The following CDK12 variants were observed in gnomAD, a reference collection of about 807,000 sequenced individuals.
CDK12 encodes cyclin dependent kinase 12.
In CDK12, 17 loss-of-function variants were observed where a neutral mutation model predicts 133.8. The ratio of observed to expected loss-of-function variants is 0.13; its 90% CI spans 0.09 to 0.19. The LOEUF is 0.19. Among genes scored for constraint, CDK12 ranks in the 10% least tolerant of loss-of-function variants. CDK12 has a pLI of 1.00. For missense variants in CDK12, 1,508 were observed against 1,818.7 expected (o/e 0.83, Z 3.11); for synonymous variants, 694 against 683.6 (o/e 1.02, Z -0.24).
upstream of CDK12, among the ~76,000 whole-genome samples, chr17:39,544,569 C>T (rs1177002534): frequency 1.3e-5 from 2 of 151,614 alleles, no homozygotes; most frequent in African/African-American, 4.8e-5. Context: ...CCTGCGCCTC[C>T]GGGGTTCAAG....
chr17:39,496,145 C>G (rs2052093723), intron 5 of CDK12, among the ~76,000 whole-genome samples: 1 of 152,076 alleles, frequency 6.6e-6, no homozygotes, highest in East Asian at 1.9e-4. Context: ...CTCCTGACCT[C>G]AGGCAGTCAT....
chr17:39,480,698 C>T (rs1369025405), intron 2 of CDK12, among the ~76,000 whole-genome samples: 1 of 152,026 alleles, frequency 6.6e-6, no homozygotes, highest in Non-Finnish European at 1.5e-5. Flanking sequence ...GCTGGGATTA[C>T]AGGTGTGAGC....
intron 1 of CDK12, among the ~76,000 whole-genome samples, chr17:39,539,802 AAAG>A (rs1217082402): frequency 6.6e-6 from 1 of 152,162 alleles, no homozygotes; most frequent in Non-Finnish European, 1.5e-5. Flanking sequence ...ATTTGAAAAT[AAAG>A]AAGATAGGGG....
At chr17:39,496,491 G>A (rs2052122424) in intron 5 of CDK12, among the ~76,000 whole-genome samples, 1 of 152,016 alleles carries the variant, frequency 6.6e-6, no homozygotes, top group South Asian at 2.1e-4. Context: ...CCTGAGGTCG[G>A]GAGTTTGAGA....
At chr17:39,550,325 A>G (rs6503519) in exon 1 of CDK12, 96,089 of 152,102 alleles carry the variant, frequency 0.63, 33,046 homozygotes, top group South Asian at 0.89. Context: ...AGGTGGAGGA[A>G]GGGAGGCACT....
At chr17:39,543,122 T>A (rs988023845), upstream of CDK12, among the ~76,000 whole-genome samples, 1 of 152,182 alleles carries the variant, frequency 6.6e-6, no homozygotes, top group Non-Finnish European at 1.5e-5. Flanking sequence ...GGTCCCTGAA[T>A]GATAGATGAG....
At chr17:39,473,269 TA>T (rs1044396588) in intron 2 of CDK12, among the ~76,000 whole-genome samples, 33 of 150,932 alleles carry the variant, frequency 2.2e-4, no homozygotes, top group Admixed American at 3.3e-4. Context: ...AGGGCTGCTT[TA>T]AAAAAAAAGA....
In CDK12 at chr17:39,511,473, T is replaced by C; in HGVS notation, c.2667-56T>C. The C allele has an allele frequency of 3.6e-6, 4 of 1,119,642 alleles. No homozygotes were observed. In the South Asian group the frequency reaches 5.4e-5, roughly 15 times the overall value. The allele number at this position is 1,119,642 out of a possible 1,614,324, so 69.4% of individuals were successfully genotyped here. A position where few individuals can be genotyped will look rare whatever the true frequency, so the allele number is the denominator to read the frequency against. On this transcript the variant is annotated intron_variant, in intron 7 of 13. Transcript: ENST00000447079. ...TTCTATTTGCATTTAGTTATGTGAA[T>C]ATTTTTCATCAGAAGCCACTGTAAG...
intron 5 of CDK12, among the ~76,000 whole-genome samples, chr17:39,498,995 C>T (rs1598063571): frequency 0.5 from 1 of 2 alleles, no homozygotes; most frequent in African/African-American, 0.5. Flanking sequence ...TTCTTTCTTT[C>T]TTTCTTTCTT....
intron 2 of CDK12, among the ~76,000 whole-genome samples, chr17:39,481,322 T>G (rs1327441272): frequency 6.6e-6 from 1 of 150,594 alleles, no homozygotes; most frequent in African/African-American, 2.4e-5. Context: ...CTTCTTTTCT[T>G]CTTTCTCTTT....
At chr17:39,559,822 C>A in intron 3 of CDK12, among the ~76,000 whole-genome samples, 1 of 131,482 alleles carries the variant, frequency 7.6e-6, no homozygotes, top group Admixed American at 8.8e-5. Flanking sequence ...CTGGGTGACA[C>A]AGCAAGACCC....
chr17:39,480,518 T>C (rs1238523988), intron 2 of CDK12, among the ~76,000 whole-genome samples: 1 of 152,064 alleles, frequency 6.6e-6, no homozygotes, highest in African/African-American at 2.4e-5. Context: ...CTCAGCTCAC[T>C]GCAACCTCTG....
chr17:39,545,496 CTTTTTTT>C (rs34616390), upstream of CDK12, among the ~76,000 whole-genome samples: 1 of 103,632 alleles, frequency 9.6e-6, no homozygotes, highest in Admixed American at 1.1e-4. Flanking sequence ...CCCCAAAAAG[CTTTTTTT>C]TTTTTTTTTT....
chr17:39,461,967 CG>C lies in CDK12; in HGVS notation c.-101del, dbSNP rs1454204244. 2.9e-5 allele frequency: 20 copies of C among 700,236 alleles called. No individual in the cohort carries two copies. The highest frequency in any genetic ancestry group is 4.7e-5 in the African/African-American group (1 of 21,420). The allele number at this position is 700,236 out of a possible 1,614,324, so 43.4% of individuals were successfully genotyped here. Reference sequence around the variant, plus strand: ...GTCCCTGCCCTCCCCACCCCCTTCCCGGGGCGCTTTGGTGGGCGTGGAGTTG... The same window carrying C: ...GTCCCTGCCCTCCCCACCCCCTTCCCGGGCGCTTTGGTGGGCGTGGAGTTG... On this transcript the variant is annotated 5_prime_UTR_variant, in exon 1 of 14. Coordinates refer to ENST00000447079, the MANE Select transcript of CDK12 (RefSeq NM_016507.4).
At chr17:39,475,919 G>C (rs559826656) in intron 2 of CDK12, among the ~76,000 whole-genome samples, 2 of 152,086 alleles carry the variant, frequency 1.3e-5, no homozygotes, top group African/African-American at 2.4e-5. Flanking sequence ...TAGATAAAAA[G>C]ATAAAAGCCA....
chr17:39,465,090 T>A (rs901552739), intron 1 of CDK12, among the ~76,000 whole-genome samples: 1 of 151,662 alleles, frequency 6.6e-6, no homozygotes, highest in Non-Finnish European at 1.5e-5. Context: ...TATAAAAATA[T>A]AAAAAATTAG....
chr17:39,542,592 C>T (rs970511497), intron 1 of CDK12, among the ~76,000 whole-genome samples: 2 of 152,030 alleles, frequency 1.3e-5, no homozygotes, highest in Non-Finnish European at 2.9e-5. Context: ...TCACCACAAC[C>T]TCTGGCCTCC....
At chr17:39,536,901 C>G (rs1056039842), downstream of CDK12, among the ~76,000 whole-genome samples, 1 of 152,158 alleles carries the variant, frequency 6.6e-6, no homozygotes, top group Non-Finnish European at 1.5e-5. Flanking sequence ...AAGGTATAGC[C>G]ATGAAATAAA....
rs2146714324 is a variant in CDK12 at position 39,525,951 on chromosome 17, C to A, written c.3395C>A (p.Pro1132His). The A allele has an allele frequency of 6.2e-7, 1 of 1,614,178 alleles. No homozygotes were observed. The highest frequency in any genetic ancestry group is 1.1e-5 in the South Asian group (1 of 91,078). The change falls in exon 13 of 14, where the codon CCT (proline) becomes CAT (histidine). Residue 1132 changes from proline (P) to histidine (H), a missense_variant. Physicochemically the swap from Pro to His is moderately conservative, Grantham distance 77 (BLOSUM62 -2). Around this residue, in one of 9 missense-constraint regions of CDK12, gnomAD observed 399 missense variants for 469.6 expected, o/e 0.85. Coordinates refer to ENST00000447079, the MANE Select transcript of CDK12 (RefSeq NM_016507.4). ...LLQSQTDLSI[P>H]QMAQLLNIHS... ...CAGAGCCAAACCGACCTGAGCATCC[C>A]TCAAATGGCACAGCTGCTTAACATC...
Sources: allele counts gnomAD v4.1 joint callset (sites outside exome capture counted in the v4.1 genomes callset), GRCh38; gene constraint gnomAD v4.1.1; regional missense constraint gnomAD v4.1.1; transcripts MANE v1.5; gene names NCBI Gene and HGNC (gene_info 2026-07-23, HGNC 2026-07-21).